ATP8A2: variants seen among roughly 807,000 people sequenced by gnomAD.
The protein encoded by ATP8A2 is ATPase phospholipid transporting 8A2.
Under a neutral mutation model 165.6 loss-of-function variants are expected in ATP8A2, and 100 were observed. The observed-to-expected ratio is 0.60, with a 90% CI of 0.51 to 0.71. The LOEUF is 0.71. Among genes scored for constraint, ATP8A2 ranks in the 30% least tolerant of loss-of-function variants. The pLI, the probability that ATP8A2 is intolerant of heterozygous loss-of-function variation, is 0.00. For missense variants in ATP8A2, 1,227 were observed against 1,479.5 expected (o/e 0.83, Z 2.80); for synonymous variants, 543 against 548.8 (o/e 0.99, Z 0.15).
intron 2 of ATP8A2, among the ~76,000 whole-genome samples, chr13:25,495,613 T>A (rs1460005399): frequency 6.9e-6 from 1 of 144,118 alleles, no homozygotes; most frequent in Non-Finnish European, 1.5e-5. Context: ...GCATGCACCA[T>A]GCATGCCTTG....
intron 12 of ATP8A2, among the ~76,000 whole-genome samples, chr13:25,554,527 GTA>G (rs755513774): frequency 0.21 from 11,328 of 53,396 alleles, 414 homozygotes; most frequent in Middle Eastern, 0.33. Context: ...GTGTGTGTGT[GTA>G]TGTGTGTGTG....
intron 1 of ATP8A2, among the ~76,000 whole-genome samples, chr13:25,421,105 C>G (rs1328586244): frequency 1.3e-5 from 2 of 152,224 alleles, no homozygotes; most frequent in Non-Finnish European, 2.9e-5. Context: ...AGCTCACATT[C>G]TTTAGAAATA....
chr13:25,705,431 T>C (rs1394865107), intron 25 of ATP8A2: 3 of 166,370 alleles, frequency 1.8e-5, no homozygotes, highest in African/African-American at 4.8e-5. Context: ...AGAGATGGAG[T>C]GGAAGGAAAA....
At chr13:25,703,322 C>T (rs1210970579) in intron 25 of ATP8A2, among the ~76,000 whole-genome samples, 2 of 152,116 alleles carry the variant, frequency 1.3e-5, no homozygotes, top group African/African-American at 4.8e-5. Context: ...TTGTGATCTG[C>T]CCACCTCGGC....
chr13:25,543,089 A>T (rs902715636), intron 9 of ATP8A2, among the ~76,000 whole-genome samples: 1 of 152,148 alleles, frequency 6.6e-6, no homozygotes, highest in Non-Finnish European at 1.5e-5. Flanking sequence ...TTCTGTAGTG[A>T]TGAATGTAAA....
intron 26 of ATP8A2, among the ~76,000 whole-genome samples, chr13:25,773,828 C>A (rs2044679794): frequency 6.6e-6 from 1 of 151,718 alleles, no homozygotes; most frequent in Admixed American, 6.6e-5. Flanking sequence ...TGTGTGTCTG[C>A]CTGTATGTGT....
chr13:26,019,795 C>T (rs1457645321), intron 36 of ATP8A2, 93 bp from the exon 37 acceptor site: 12 of 834,302 alleles, frequency 1.4e-5, no homozygotes, highest in Admixed American at 1.3e-4. Context: ...CGCACTCACC[C>T]GCACGCTGCC....
At chr13:25,465,708 TTTC>T (rs1260652811) in intron 1 of ATP8A2, among the ~76,000 whole-genome samples, 889 of 23,374 alleles carry the variant, frequency 0.038, 32 homozygotes, top group Middle Eastern at 0.071. Flanking sequence ...TCTTTCTTTC[TTTC>T]TTTCTTTCTT....
intron 33 of ATP8A2, among the ~76,000 whole-genome samples, chr13:25,903,186 A>G (rs1953817720): frequency 6.6e-6 from 1 of 152,140 alleles, no homozygotes; most frequent in Non-Finnish European, 1.5e-5. Context: ...TCTTGGTTTC[A>G]GGTTACTCAT....
chr13:25,406,211 C>T (rs1490565136), intron 1 of ATP8A2, among the ~76,000 whole-genome samples: 1 of 152,160 alleles, frequency 6.6e-6, no homozygotes, highest in African/African-American at 2.4e-5. Context: ...CGAACAGGAG[C>T]CATGCCTCTG....
chr13:25,575,655 C>G (rs556701234), intron 19 of ATP8A2, among the ~76,000 whole-genome samples: 4 of 152,080 alleles, frequency 2.6e-5, no homozygotes, highest in Admixed American at 1.3e-4. Context: ...ACTTTCCAGC[C>G]CTAGTCTTTA....
intron 33 of ATP8A2, among the ~76,000 whole-genome samples, chr13:25,906,935 T>C (rs1000034071): frequency 6.6e-6 from 1 of 152,210 alleles, no homozygotes; most frequent in African/African-American, 2.4e-5. Flanking sequence ...CAACAAATGA[T>C]AGCTTTGAAA....
chr13:25,824,686 A>G (rs1157109789), intron 27 of ATP8A2, among the ~76,000 whole-genome samples: 1 of 152,078 alleles, frequency 6.6e-6, no homozygotes, highest in Non-Finnish European at 1.5e-5. Context: ...TGTGTGTTAT[A>G]GGTTTCTCTT....
In ATP8A2 at chr13:25,953,038, C is replaced by T. The variant is rs9511987; in HGVS notation, c.3184-8537C>T. ...AGGCAACACTGAGGGGCAAGGAGGG[C>T]TGAGAAGAGAAGGTGGCAATGGCAA... On this transcript the variant is annotated intron_variant, in intron 33 of 36. Transcript: ENST00000381655. The surrounding 1 kb of genome is among the most constrained non-coding windows in gnomAD (Gnocchi z 6.7). Among the ~76,000 whole-genome samples, 14,676 of 152,194 alleles carry T rather than the reference C, an allele frequency of 0.096. 845 individuals carry two copies. The highest frequency in any genetic ancestry group is 0.12 in the Non-Finnish European group (8,442 of 68,000).
chr13:25,465,663 T>TTTTCTTCCTTTC lies in ATP8A2; in HGVS notation c.77-3308_77-3307insCCTTTCTTTCTT. On this transcript the variant is annotated intron_variant, in intron 1 of 36. Coordinates refer to ENST00000381655, the MANE Select transcript of ATP8A2 (RefSeq NM_016529.6). Reference sequence around the variant, plus strand: ...TCACCTCCCCAGAAATCTTGCAGAGTTTTCTTTCTTTCTTTCTTTCTTTCT... The same window carrying TTTTCTTCCTTTC: ...TCACCTCCCCAGAAATCTTGCAGAGTTTTCTTCCTTTCTTTCTTTCTTTCTTTCTTTCTTTCT... Among the ~76,000 whole-genome samples, 3 of 86,452 alleles carry TTTTCTTCCTTTC rather than the reference T, an allele frequency of 3.5e-5. 1 individual carries two copies. Among genetic ancestry groups the TTTTCTTCCTTTC allele is most frequent in the African/African-American group, 1.4e-4 (3 of 21,564 alleles). 56.7% of individuals were successfully genotyped at this position (86,452 alleles called of 152,430 possible).
At chr13:25,777,098 T>C (rs918192752) in intron 27 of ATP8A2, among the ~76,000 whole-genome samples, 1 of 152,210 alleles carries the variant, frequency 6.6e-6, no homozygotes, top group Non-Finnish European at 1.5e-5. Flanking sequence ...ATTTCAATTG[T>C]AGCTGAGCAG....
In ATP8A2 at chr13:26,012,631, C is replaced by T. The variant is rs1177945753; in HGVS notation, c.3469+9C>T. ...GCAGCAGGGCGTCCCGCGTGAGTACCGCGGGCGGGGGCTGATGGAGGAGTG... is the reference window on the plus strand; with the variant it reads ...GCAGCAGGGCGTCCCGCGTGAGTACTGCGGGCGGGGGCTGATGGAGGAGTG... On this transcript the variant is annotated intron_variant, in intron 36 of 36. Transcript: ENST00000381655. The T allele has an allele frequency of 1.4e-6, 2 of 1,436,430 alleles. No individual in the cohort carries two copies. The highest frequency in any genetic ancestry group is 1.8e-6 in the Non-Finnish European group (2 of 1,089,160). The allele number at this position is 1,436,430 out of a possible 1,614,324, so 89.0% of individuals were successfully genotyped here. A position where few individuals can be genotyped will look rare whatever the true frequency, so the allele number is the denominator to read the frequency against.
At chr13:25,381,077 G>A (rs557779576) in intron 1 of ATP8A2, among the ~76,000 whole-genome samples, 1 of 152,222 alleles carries the variant, frequency 6.6e-6, no homozygotes, top group African/African-American at 2.4e-5. Flanking sequence ...ATCTCTAATA[G>A]AATCTGGTTG....
intron 24 of ATP8A2, among the ~76,000 whole-genome samples, chr13:25,631,307 A>G (rs529717529): frequency 1.3e-5 from 2 of 152,276 alleles, no homozygotes; most frequent in East Asian, 1.9e-4. Flanking sequence ...TTTAAATTTT[A>G]TTTCATTTTA....
Sources: allele counts gnomAD v4.1 joint callset (sites outside exome capture counted in the v4.1 genomes callset), GRCh38; gene constraint gnomAD v4.1.1; non-coding constraint Gnocchi (gnomAD v3.1); transcripts MANE v1.5; gene names NCBI Gene and HGNC (gene_info 2026-07-23, HGNC 2026-07-21).